The following PTPRT variants were observed in gnomAD, a reference collection of about 807,000 sequenced individuals.
The protein encoded by PTPRT is receptor-type tyrosine-protein phosphatase T.
A neutral mutation model predicts 176.8 loss-of-function variants in PTPRT; 56 were observed. That is an observed-to-expected ratio of 0.32 (90% CI 0.26 to 0.40). The LOEUF is 0.40. Among genes scored for constraint, PTPRT ranks in the 10% least tolerant of loss-of-function variants. The pLI, the probability that PTPRT is intolerant of heterozygous loss-of-function variation, is 1.00. For synonymous variants in PTPRT, 783 were observed against 739.0 expected (o/e 1.06, Z -0.96); for missense variants, 1,540 against 1,908.2 (o/e 0.81, Z 3.60).
intron 1 of PTPRT, among the ~76,000 whole-genome samples, chr20:43,041,902 C>A (rs1462622174): frequency 6.6e-6 from 1 of 152,206 alleles, no homozygotes; most frequent in Non-Finnish European, 1.5e-5. Flanking sequence ...ATATTTACAA[C>A]CTGTCACTTT....
chr20:42,850,661 A>G (rs1241890607), intron 2 of PTPRT, among the ~76,000 whole-genome samples: 1 of 152,144 alleles, frequency 6.6e-6, no homozygotes, highest in East Asian at 1.9e-4. Flanking sequence ...GCACTTACAC[A>G]TTCCTTTGTG....
chr20:42,882,511 G>C (rs141796113), intron 2 of PTPRT, among the ~76,000 whole-genome samples: 1 of 152,134 alleles, frequency 6.6e-6, no homozygotes, highest in Non-Finnish European at 1.5e-5. Context: ...TTTCTGATCC[G>C]TAAAATGGGA....
At chr20:42,345,618 G>GTA (rs376535646) in intron 11 of PTPRT, among the ~76,000 whole-genome samples, 15 of 105,692 alleles carry the variant, frequency 1.4e-4, no homozygotes, top group African/African-American at 4.3e-4. Context: ...GTGTGTGTGT[G>GTA]TATATATATG....
chr20:42,364,240 T>G (rs889947544), intron 9 of PTPRT, among the ~76,000 whole-genome samples: 14 of 152,144 alleles, frequency 9.2e-5, no homozygotes, highest in Non-Finnish European at 1.5e-4. Flanking sequence ...AATCACACAT[T>G]CTGGGCCAGT....
chr20:42,260,161 ACAAAAC>A (rs1166448593), intron 13 of PTPRT, among the ~76,000 whole-genome samples: 2 of 146,194 alleles, frequency 1.4e-5, no homozygotes, highest in Non-Finnish European at 3.1e-5. Flanking sequence ...CTCTGCTTAA[ACAAAAC>A]TAGACTACAA....
chr20:42,040,787 T>C, the PTPRT span, among the ~76,000 whole-genome samples: 1 of 152,202 alleles, frequency 6.6e-6, no homozygotes, highest in Non-Finnish European at 1.5e-5. Flanking sequence ...TCTCACATGC[T>C]GCAGGGGTGT....
intron 12 of PTPRT, among the ~76,000 whole-genome samples, chr20:42,289,675 T>C (rs2057288041): frequency 6.6e-6 from 1 of 152,086 alleles, no homozygotes; most frequent in Admixed American, 6.6e-5. Flanking sequence ...GTTGATGATA[T>C]TGTAAATTAG....
chr20:42,441,335 A>G (rs2059314151), intron 9 of PTPRT, among the ~76,000 whole-genome samples: 2 of 152,174 alleles, frequency 1.3e-5, no homozygotes, highest in Non-Finnish European at 2.9e-5. Context: ...TGTAGAGTGA[A>G]GAGCATTACA....
intron 9 of PTPRT, among the ~76,000 whole-genome samples, chr20:42,425,805 G>A (rs2059158100): frequency 6.6e-6 from 1 of 152,150 alleles, no homozygotes. Context: ...ATTGAGGCAA[G>A]CAGACATTAT....
At chr20:42,463,933 A>G (rs2071063555) in intron 8 of PTPRT, among the ~76,000 whole-genome samples, 1 of 152,196 alleles carries the variant, frequency 6.6e-6, no homozygotes. Context: ...TTAATTAACT[A>G]TAGCCTTTTA....
chr20:42,696,624 T>G (rs909947116), intron 6 of PTPRT, among the ~76,000 whole-genome samples: 7 of 151,662 alleles, frequency 4.6e-5, no homozygotes, highest in African/African-American at 1.7e-4. Context: ...CCCGGCTAAT[T>G]TTTTGTATTT....
intron 7 of PTPRT, among the ~76,000 whole-genome samples, chr20:42,548,619 G>A (rs560612189): frequency 2.0e-5 from 3 of 152,174 alleles, no homozygotes; most frequent in South Asian, 2.1e-4. Flanking sequence ...ATAAATCAAA[G>A]CACTGAGGAA....
At chr20:42,729,763 T>C (rs570749974) in intron 6 of PTPRT, among the ~76,000 whole-genome samples, 8 of 152,292 alleles carry the variant, frequency 5.3e-5, no homozygotes, top group Admixed American at 3.9e-4. Context: ...GGGCTTGGAC[T>C]TGACTGGAGG....
At chr20:42,732,202 A>G (rs2076472239) in intron 6 of PTPRT, among the ~76,000 whole-genome samples, 2 of 152,348 alleles carry the variant, frequency 1.3e-5, no homozygotes, top group South Asian at 4.1e-4. Context: ...CAGCCATGAT[A>G]ACCACATTTC....
chr20:42,363,204 A>G (rs1380670018), intron 9 of PTPRT, among the ~76,000 whole-genome samples: 3 of 141,744 alleles, frequency 2.1e-5, no homozygotes, highest in Non-Finnish European at 3.0e-5. Context: ...GTAATCATGG[A>G]CCCACAAGTT....
intron 13 of PTPRT, among the ~76,000 whole-genome samples, chr20:42,266,834 G>A (rs1293295238): frequency 6.6e-6 from 1 of 152,154 alleles, no homozygotes; most frequent in Non-Finnish European, 1.5e-5. Flanking sequence ...TGCCCACAAT[G>A]GTAGTCACCA....
At chr20:42,775,335 G>C (rs972216695) in intron 4 of PTPRT, among the ~76,000 whole-genome samples, 9 of 152,218 alleles carry the variant, frequency 5.9e-5, no homozygotes, top group African/African-American at 2.2e-4. Context: ...AGCCCAGTAC[G>C]CACATTAGAA....
intron 1 of PTPRT, among the ~76,000 whole-genome samples, chr20:43,171,954 G>A (rs551134676): frequency 1.6e-4 from 24 of 152,310 alleles, no homozygotes; most frequent in Middle Eastern, 3.4e-3. Flanking sequence ...GAATCAGAAT[G>A]CAAAAGAGTC....
chr20:42,899,613 T>C (rs1279789592), intron 1 of PTPRT, among the ~76,000 whole-genome samples: 1 of 152,242 alleles, frequency 6.6e-6, no homozygotes, highest in Non-Finnish European at 1.5e-5. Flanking sequence ...CTCATTTACT[T>C]ATTTTCTGTC....
Sources: gnomAD v4.1 joint callset for allele counts (sites outside exome capture counted in the v4.1 genomes callset) on GRCh38, gnomAD v4.1.1 for gene constraint, MANE v1.5 for transcripts, NCBI Gene and HGNC (gene_info 2026-07-23, HGNC 2026-07-21) for gene names.